The following PLAC1 variants were observed in gnomAD, a reference collection of about 807,000 sequenced individuals.
PLAC1 encodes placenta-specific protein 1.
For missense variants in PLAC1, 136 were observed against 163.2 expected (o/e 0.83, Z 0.91); for synonymous variants, 68 against 62.1 (o/e 1.09, Z -0.44).
At chrX:134,641,593 T>C (rs763367744) in intron 1 of PLAC1, among the ~76,000 whole-genome samples, 2 of 112,388 alleles carry the variant, frequency 1.8e-5, no homozygotes, top group East Asian at 5.6e-4. Context: ...AAACCCTCAG[T>C]CACCAGCTTG....
intron 1 of PLAC1, chrX:134,605,956 T>C (rs934992442): frequency 8.9e-6 from 1 of 111,752 alleles, no homozygotes; most frequent in African/African-American, 3.3e-5. Flanking sequence ...AAAGTGGTAT[T>C]TGTGGCCGGG....
chrX:134,763,492 C>T (rs774645940), intron 1 of PLAC1, among the ~76,000 whole-genome samples: 1 of 111,190 alleles, frequency 9.0e-6, no homozygotes, highest in South Asian at 3.8e-4. Context: ...GAGAGAGGTT[C>T]CTGACCTGTC....
At chrX:134,663,550 T>C (rs1472183144) in intron 2 of PLAC1, among the ~76,000 whole-genome samples, 1 of 112,640 alleles carries the variant, frequency 8.9e-6, no homozygotes, top group African/African-American at 3.2e-5. Flanking sequence ...TTTGAGTCTT[T>C]GAATAGGTTC....
chrX:134,567,800 A>G (rs1476344952), intron 2 of PLAC1, among the ~76,000 whole-genome samples: 7 of 89,302 alleles, frequency 7.8e-5, no homozygotes, highest in African/African-American at 2.7e-4. Context: ...AAAGGAAAGA[A>G]AGAGAGAGAG....
chrX:134,735,446 A>G (rs183263643), intron 1 of PLAC1, among the ~76,000 whole-genome samples: 17 of 111,597 alleles, frequency 1.5e-4, no homozygotes, highest in African/African-American at 4.9e-4. Context: ...AAAAAGAAAG[A>G]AAAGAAAAAA....
intron 1 of PLAC1, among the ~76,000 whole-genome samples, chrX:134,644,249 CT>C (rs1412205322): frequency 9.0e-6 from 1 of 110,999 alleles, no homozygotes; most frequent in Non-Finnish European, 1.9e-5. Context: ...ATATAATCAT[CT>C]AACAAAAAAT....
chrX:134,592,174 T>C (rs1426963270), intron 2 of PLAC1, among the ~76,000 whole-genome samples: 2 of 112,535 alleles, frequency 1.8e-5, no homozygotes, highest in African/African-American at 6.4e-5. Flanking sequence ...CTTTCATGGA[T>C]TGTGCTTTTG....
chrX:134,651,320 A>C (rs1053853422), intron 1 of PLAC1: 2 of 188,479 alleles, frequency 1.1e-5, no homozygotes, highest in African/African-American at 6.0e-5. Context: ...ACAGCAGAAC[A>C]ATGTGGCACA....
chrX:134,619,241 C>T (rs1159690343), intron 1 of PLAC1, among the ~76,000 whole-genome samples: 2 of 112,434 alleles, frequency 1.8e-5, no homozygotes, highest in African/African-American at 6.5e-5. Context: ...TAGATCCTCT[C>T]AGAAAAGTAT....
intron 2 of PLAC1, among the ~76,000 whole-genome samples, chrX:134,725,610 C>T (rs1041621289): frequency 8.9e-6 from 1 of 112,202 alleles, no homozygotes; most frequent in Non-Finnish European, 1.9e-5. Flanking sequence ...CTCTTAACTG[C>T]CTTACTATAC....
rs1222694973 is a variant in PLAC1, at chrX:134,566,629, T to C, written c.54A>G (p.Ser18=). ...TCATTGGACTTTGTCCTGAACCGGCTGAAAACGCAGAGGTGAGGAGGATCA... is the reference window on the plus strand; with the variant it reads ...TCATTGGACTTTGTCCTGAACCGGCCGAAAACGCAGAGGTGAGGAGGATCA... ...GLMILLTSAF[S]AGSGQSPMTV... is the part of the protein sequence containing the mutation. Residue 18 remains serine (S), a synonymous_variant, in exon 3 of 3, where the codon TCA becomes TCG. Transcript: ENST00000359237. 1 of 1,208,309 alleles carries C rather than the reference T, an allele frequency of 8.3e-7. No individual in the cohort carries two copies.
At chrX:134,592,516 G>C (rs1398204806) in intron 2 of PLAC1, among the ~76,000 whole-genome samples, 1 of 110,572 alleles carries the variant, frequency 9.0e-6, no homozygotes, top group Non-Finnish European at 1.9e-5. Context: ...TCAGTTGAAG[G>C]CCTTAAGGAA....
intron 1 of PLAC1, among the ~76,000 whole-genome samples, chrX:134,604,139 C>T (rs1456843388): frequency 8.9e-6 from 1 of 112,349 alleles, no homozygotes; most frequent in African/African-American, 3.2e-5. Flanking sequence ...CCAGGGCTGA[C>T]AAAAATTCCC....
At chrX:134,748,467 G>C (rs955417115) in intron 1 of PLAC1, among the ~76,000 whole-genome samples, 5 of 111,649 alleles carry the variant, frequency 4.5e-5, no homozygotes, top group African/African-American at 1.3e-4. Flanking sequence ...TTGAGGGCCA[G>C]ATTCATATCT....
At chrX:134,586,346 C>A (rs769287346) in intron 2 of PLAC1, among the ~76,000 whole-genome samples, 168 of 111,629 alleles carry the variant, frequency 1.5e-3, no homozygotes, top group African/African-American at 5.3e-3. Context: ...TCCCTGTGAG[C>A]AAATACAAGC....
At chrX:134,617,610 G>A (rs931268444) in intron 1 of PLAC1, among the ~76,000 whole-genome samples, 1 of 111,660 alleles carries the variant, frequency 9.0e-6, no homozygotes, top group Non-Finnish European at 1.9e-5. Flanking sequence ...GCCTCATTTT[G>A]TTAATGAGGT....
At chrX:134,651,608 C>A (rs2078363346) in intron 1 of PLAC1, among the ~76,000 whole-genome samples, 1 of 111,604 alleles carries the variant, frequency 9.0e-6, no homozygotes, top group South Asian at 3.8e-4. Flanking sequence ...TATCAAGATG[C>A]GGAGCTGTCA....
intron 1 of PLAC1, among the ~76,000 whole-genome samples, chrX:134,639,434 C>T (rs1208283105): frequency 9.0e-6 from 1 of 110,967 alleles, no homozygotes; most frequent in Non-Finnish European, 1.9e-5. Flanking sequence ...AAGAAAGGAA[C>T]AAGCATTGGG....
intron 2 of PLAC1, among the ~76,000 whole-genome samples, chrX:134,590,667 G>C (rs1265397773): frequency 5.4e-5 from 6 of 111,554 alleles, no homozygotes; most frequent in Non-Finnish European, 1.1e-4. Context: ...CCAGGCTGGA[G>C]TGTGATCTTG....
Sources: gnomAD v4.1 joint callset for allele counts (sites outside exome capture counted in the v4.1 genomes callset) on GRCh38, gnomAD v4.1.1 for gene constraint, MANE v1.5 for transcripts, NCBI Gene and HGNC (gene_info 2026-07-23, HGNC 2026-07-21) for gene names.